The following STN1 variants were observed in gnomAD, a reference collection of about 807,000 sequenced individuals.
The protein encoded by STN1 is CST complex subunit STN1.
A neutral mutation model predicts 45.5 loss-of-function variants in STN1; 29 were observed. The ratio of observed to expected loss-of-function variants is 0.64; its 90% CI spans 0.47 to 0.87. The LOEUF (loss-of-function observed/expected upper bound fraction) is 0.87, where lower values mean the gene tolerates loss of function less well. Ranked by LOEUF, STN1 falls within the 40% of genes least tolerant of loss-of-function variation. The probability of loss-of-function intolerance (pLI) is 0.00; values close to 1 mark genes in which losing one functional copy is unlikely to be tolerated. For missense variants in STN1, 376 were observed against 441.4 expected, an observed-to-expected ratio of 0.85 and a Z score of 1.33; for synonymous variants, 148 against 159.0, an observed-to-expected ratio of 0.93 and a Z score of 0.52.
chr10:103,882,445 G>C lies in STN1; in HGVS notation c.*239C>G, dbSNP rs533097891. 1.5e-5 allele frequency: 7 copies of C among 455,110 alleles called. 1 individual carries two copies. The highest frequency in any genetic ancestry group is 1.4e-4 in the South Asian group (4 of 28,838). The allele number at this position is 455,110 out of a possible 1,614,324, so 28.2% of individuals were successfully genotyped here. ...ACAGTCCAGCCAGGAGCTCAACAGG[G>C]AGGGTTTTCTTGTTGTGTCATGGCT... On this transcript the variant is annotated 3_prime_UTR_variant, in exon 10 of 10. Coordinates refer to ENST00000224950, the MANE Select transcript of STN1 (RefSeq NM_024928.5).
chr10:103,882,360 C>T lies in STN1; in HGVS notation c.*324G>A, dbSNP rs374221462. ...CCTTTGCCATGGAAGAGACTCCAACCACACACATCAGTTAAGCTGCCAACA... is the reference window on the plus strand; with the variant it reads ...CCTTTGCCATGGAAGAGACTCCAACTACACACATCAGTTAAGCTGCCAACA... On this transcript the variant is annotated 3_prime_UTR_variant, in exon 10 of 10. Coordinates refer to ENST00000224950, the MANE Select transcript of STN1 (RefSeq NM_024928.5). Among the ~76,000 whole-genome samples, 3 of 152,246 alleles carry T rather than the reference C, an allele frequency of 2.0e-5. No homozygotes were observed. The highest frequency in any genetic ancestry group is 2.9e-5 in the Non-Finnish European group (2 of 68,046).
At chr10:103,889,007 G>T in intron 9 of STN1, 65 bp downstream of exon 9, 1 of 1,149,576 alleles carries the variant, frequency 8.7e-7, no homozygotes, top group Non-Finnish European at 1.3e-6. Flanking sequence ...TCCATCCAGT[G>T]CTCCCCGGGA....
intron 7 of STN1, 127 bp downstream of exon 7, chr10:103,897,421 A>T (rs951816974): frequency 1.2e-6 from 1 of 823,418 alleles, no homozygotes; most frequent in Non-Finnish European, 2.0e-6. Context: ...AATGTGTGAC[A>T]GAACCATTCC....
rs150545141 is a variant in STN1, at chr10:103,890,393, G to T, written c.877-1249C>A. On this transcript the variant is annotated intron_variant, in intron 8 of 9. Transcript: ENST00000224950. Reference sequence around the variant, plus strand: ...ATTTCCCTGAGGCAGGGCTTCAGGAGAAAGGTGACTACAAAGCAGTGGAGA... The same window carrying T: ...ATTTCCCTGAGGCAGGGCTTCAGGATAAAGGTGACTACAAAGCAGTGGAGA... 1.6e-4 allele frequency among the ~76,000 whole-genome samples: 25 copies of T among 152,356 alleles called. No individual in the cohort carries two copies. In the East Asian group the frequency reaches 4.0e-3, roughly 25 times the overall value.
At chr10:103,891,590 A>G (rs887605380) in intron 8 of STN1, among the ~76,000 whole-genome samples, 3 of 152,234 alleles carry the variant, frequency 2.0e-5, no homozygotes, top group Non-Finnish European at 2.9e-5. Context: ...AGAAGTGTCA[A>G]TTTAGAAGAT....
chr10:103,908,753 G>T (rs1843260538), intron 3 of STN1, among the ~76,000 whole-genome samples: 1 of 152,182 alleles, frequency 6.6e-6, no homozygotes, highest in South Asian at 2.1e-4. Context: ...TTTATAATGG[G>T]AAAAGAGGTT....
chr10:103,894,691 C>CAA (rs75334190), intron 7 of STN1, among the ~76,000 whole-genome samples: 3,387 of 106,364 alleles, frequency 0.032, 55 homozygotes, highest in Non-Finnish European at 0.05. Flanking sequence ...TGCTCACAGG[C>CAA]AAAAAAAAAA....
chr10:103,878,155 C>T lies in STN1; in HGVS notation c.*4529G>A, dbSNP rs2134350254. 3 of 152,332 alleles carry T rather than the reference C, an allele frequency of 2.0e-5. 1 individual carries two copies. The highest frequency in any genetic ancestry group is 6.8e-3 in the Middle Eastern group (2 of 294). 9.4% of individuals were successfully genotyped at this position (152,332 alleles called of 1,614,324 possible). ...TTACCATATGGGCATAATCATGGCT[C>T]TTCAAACAAATCCTTGACCAGACAG... On this transcript the variant is annotated 3_prime_UTR_variant, in exon 10 of 10. Coordinates refer to ENST00000224950, the MANE Select transcript of STN1 (RefSeq NM_024928.5).
chr10:103,899,747 T>C (rs140887548), intron 5 of STN1, among the ~76,000 whole-genome samples: 1 of 152,306 alleles, frequency 6.6e-6, no homozygotes, highest in African/African-American at 2.4e-5. Context: ...AGAATATTCA[T>C]ATTTTGCCCT....
intron 3 of STN1, among the ~76,000 whole-genome samples, chr10:103,909,394 A>ATATATGTATATATATATGTATATATATG (rs1564634924): frequency 1.3e-4 from 9 of 70,402 alleles, no homozygotes; most frequent in East Asian, 5.6e-4. Context: ...ATATATGTAT[A>ATATATGTATATATATATGTATATATATG]TATGTATATA....
chr10:103,908,508 C>G (rs1364758139), intron 3 of STN1, among the ~76,000 whole-genome samples: 2 of 152,214 alleles, frequency 1.3e-5, no homozygotes, highest in East Asian at 1.9e-4. Context: ...GAACCCAGAA[C>G]AGCAGGGAGC....
intron 8 of STN1, 64 bp downstream of exon 8, chr10:103,892,066 T>C (rs759304639): frequency 3.1e-6 from 4 of 1,298,480 alleles, no homozygotes; most frequent in Non-Finnish European, 4.2e-6. Context: ...TGGTTATTCA[T>C]AAGTAATAAA....
intron 9 of STN1, among the ~76,000 whole-genome samples, chr10:103,885,758 C>A (rs1194844838): frequency 6.6e-6 from 1 of 152,056 alleles, no homozygotes; most frequent in Non-Finnish European, 1.5e-5. Context: ...AAGGAGCTCC[C>A]CAGGGGTTAG....
intron 2 of STN1, among the ~76,000 whole-genome samples, chr10:103,916,419 C>T (rs1843331637): frequency 6.6e-6 from 1 of 152,228 alleles, no homozygotes; most frequent in Non-Finnish European, 1.5e-5. Flanking sequence ...AGGGAAAACA[C>T]AGACCATTTC....
chr10:103,897,766 T>C lies in STN1; in HGVS notation c.582-47A>G, dbSNP rs750316340. 1.9e-6 allele frequency: 3 copies of C among 1,593,990 alleles called. No homozygotes were observed. The South Asian group carries it at 3.4e-5, about 18-fold the overall frequency. ...GAGCTCTGCAGAAAACCATCACCTTTGTTCCTTTTTGGTGTATAAAAACCA... is the reference window on the plus strand; with the variant it reads ...GAGCTCTGCAGAAAACCATCACCTTCGTTCCTTTTTGGTGTATAAAAACCA... On this transcript the variant is annotated intron_variant, in intron 6 of 9. Coordinates refer to ENST00000224950, the MANE Select transcript of STN1 (RefSeq NM_024928.5).
At chr10:103,916,744 A>G (rs1003888016) in intron 2 of STN1, among the ~76,000 whole-genome samples, 2 of 151,846 alleles carry the variant, frequency 1.3e-5, no homozygotes, top group Non-Finnish European at 2.9e-5. Context: ...TATACTTGTT[A>G]TATTTTTAGG....
At chr10:103,907,446 G>A (rs1030201388) in intron 3 of STN1, among the ~76,000 whole-genome samples, 2 of 152,160 alleles carry the variant, frequency 1.3e-5, no homozygotes, top group Non-Finnish European at 2.9e-5. Flanking sequence ...GTTTCTCTTG[G>A]AGTGTGGGGA....
chr10:103,884,477 A>G (rs1404352858), intron 9 of STN1, among the ~76,000 whole-genome samples: 1 of 152,140 alleles, frequency 6.6e-6, no homozygotes, highest in African/African-American at 2.4e-5. Flanking sequence ...ATGATGTAAA[A>G]TGTATTTCTA....
At chr10:103,910,396 C>T in intron 3 of STN1, 131 bp downstream of exon 3, 1 of 548,624 alleles carries the variant, frequency 1.8e-6, no homozygotes, top group Admixed American at 3.1e-5. Flanking sequence ...AGGGGCACCC[C>T]ATAGAGAAAG....
Sources: gnomAD v4.1 joint callset for allele counts (sites outside exome capture counted in the v4.1 genomes callset) on GRCh38, gnomAD v4.1.1 for gene constraint, MANE v1.5 for transcripts, NCBI Gene and HGNC (gene_info 2026-07-23, HGNC 2026-07-21) for gene names.